TAF8: variants seen among roughly 807,000 people sequenced by gnomAD.
The protein encoded by TAF8 is transcription initiation factor TFIID subunit 8.
TAF8 carries 47 observed loss-of-function variants against 36.5 expected under a neutral mutation model. The observed-to-expected ratio is 1.29, with a 90% CI of 1.02 to 1.64. The LOEUF (loss-of-function observed/expected upper bound fraction) is 1.64, where lower values mean the gene tolerates loss of function less well. Among genes scored for constraint, TAF8 ranks in the 40% most tolerant of loss-of-function variants. The pLI, the probability that TAF8 is intolerant of heterozygous loss-of-function variation, is 0.00. For missense variants in TAF8, 420 were observed against 407.6 expected, an observed-to-expected ratio of 1.03 and a Z score of -0.26; for synonymous variants, 175 against 159.5, an observed-to-expected ratio of 1.10 and a Z score of -0.73.
chr6:42,072,733 T>G (rs1433538199), intron 7 of TAF8, among the ~76,000 whole-genome samples: 5 of 152,120 alleles, frequency 3.3e-5, no homozygotes, highest in East Asian at 1.9e-4. Flanking sequence ...TTGTTTGTTT[T>G]TTTTTTTGAG....
In TAF8 at chr6:42,077,248, G is replaced by A. The variant is rs767232236; in HGVS notation, c.920+9G>A. The A allele has an allele frequency of 1.9e-6, 3 of 1,610,710 alleles. 1 individual carries two copies. The South Asian group carries it at 3.3e-5, about 18-fold the overall frequency. ...AAGATCCGCAGGAAGAAGTGAGTTG[G>A]AGGCTGGGGTCCAGAGAGCCTTCAC... On this transcript the variant is annotated intron_variant, in intron 8 of 8. Coordinates refer to ENST00000372977, the MANE Select transcript of TAF8 (RefSeq NM_138572.3).
chr6:42,077,634 C>T lies in TAF8; in HGVS notation c.*89C>T. 1 of 1,573,130 alleles carries T rather than the reference C, an allele frequency of 6.4e-7. No homozygotes were observed. The highest frequency in any genetic ancestry group is 8.6e-7 in the Non-Finnish European group (1 of 1,159,302). ...CTCAAGGGAAGAAGAGGGTGACCTCCTCATGGCCAAGCCGAGGCTGCAGGG... is the reference window on the plus strand; with the variant it reads ...CTCAAGGGAAGAAGAGGGTGACCTCTTCATGGCCAAGCCGAGGCTGCAGGG... On this transcript the variant is annotated 3_prime_UTR_variant, in exon 9 of 9. Coordinates refer to ENST00000372977, the MANE Select transcript of TAF8 (RefSeq NM_138572.3).
At chr6:42,063,029 C>G (rs182453386) in intron 5 of TAF8, among the ~76,000 whole-genome samples, 36 of 152,300 alleles carry the variant, frequency 2.4e-4, no homozygotes, top group Non-Finnish European at 2.9e-5. Flanking sequence ...CTTCACTGTG[C>G]TTACATCTGC....
chr6:42,061,385 T>C lies in TAF8; in HGVS notation c.489+3872T>C, dbSNP rs78935238. On this transcript the variant is annotated intron_variant, in intron 5 of 8. Transcript: ENST00000372977. The stretch of plus-strand genomic sequence containing the variant: ...ATTCACTCTTCTATTTGAAAGTTTT[T>C]CCTCTATTCTAATGTCACAATCTCC... Among the ~76,000 whole-genome samples, 263 of 152,354 alleles carry C rather than the reference T, an allele frequency of 1.7e-3. 2 individuals carry two copies. Among genetic ancestry groups the C allele is most frequent in the African/African-American group, 5.9e-3 (245 of 41,592 alleles).
chr6:42,087,462 A>G (rs1766047923), downstream of TAF8: 1 of 152,208 alleles, frequency 6.6e-6, no homozygotes, highest in East Asian at 1.9e-4. Flanking sequence ...GTTAAAAACT[A>G]TGCCTTCTTC....
downstream of TAF8, chr6:42,086,981 C>A (rs1271424126): frequency 3.4e-6 from 2 of 596,668 alleles, no homozygotes; most frequent in African/African-American, 1.9e-5. Flanking sequence ...TCAAGAAGTG[C>A]AGGGCGAGTT....
intron 5 of TAF8, among the ~76,000 whole-genome samples, chr6:42,065,753 G>A (rs1332677513): frequency 6.6e-6 from 1 of 152,122 alleles, no homozygotes; most frequent in Non-Finnish European, 1.5e-5. Context: ...AAGGCTCCAA[G>A]ACAATCTCTA....
At chr6:42,062,477 CT>C (rs1582225236) in intron 5 of TAF8, among the ~76,000 whole-genome samples, 1 of 148,748 alleles carries the variant, frequency 6.7e-6, no homozygotes, top group Non-Finnish European at 1.5e-5. Context: ...ACCTTTTTTA[CT>C]TAGCTTAAAT....
intron 6 of TAF8, among the ~76,000 whole-genome samples, chr6:42,066,887 T>C (rs1765385682): frequency 6.6e-6 from 1 of 152,160 alleles, no homozygotes; most frequent in South Asian, 2.1e-4. Flanking sequence ...TTTTTACAAA[T>C]GTGAGTGAGG....
At position 42,077,773 on chromosome 6, in the gene TAF8, T is replaced by A. The variant is rs1352346716; in HGVS notation, c.*228T>A. 7.2e-7 allele frequency: 1 copy of A among 1,384,278 alleles called. No homozygotes were observed. The highest frequency in any genetic ancestry group is 2.8e-5 in the East Asian group (1 of 36,120). The allele number at this position is 1,384,278 out of a possible 1,614,324, so 85.7% of individuals were successfully genotyped here. On this transcript the variant is annotated 3_prime_UTR_variant, in exon 9 of 9. Coordinates refer to ENST00000372977, the MANE Select transcript of TAF8 (RefSeq NM_138572.3). The stretch of plus-strand genomic sequence containing the variant: ...ATAATGAGAATTTTTTTTTTTATTT[T>A]GAGATGGAGTCTTACTCTATCACCC...
intron 7 of TAF8, among the ~76,000 whole-genome samples, chr6:42,068,926 A>T (rs1484110037): frequency 6.6e-6 from 1 of 152,090 alleles, no homozygotes; most frequent in African/African-American, 2.4e-5. Context: ...GGAAGTGGGG[A>T]TGGGAATGGG....
intron 5 of TAF8, among the ~76,000 whole-genome samples, chr6:42,058,621 G>C (rs943544194): frequency 2.0e-5 from 3 of 152,170 alleles, no homozygotes; most frequent in African/African-American, 7.2e-5. Flanking sequence ...ACCTTAGGGT[G>C]GGGGAGAGGG....
intron 8 of TAF8, 71 bp downstream of exon 8, chr6:42,077,310 A>G: frequency 6.4e-7 from 1 of 1,553,500 alleles, no homozygotes; most frequent in Non-Finnish European, 8.7e-7. Context: ...TTCTTGGAAG[A>G]GTCTCCTCAG....
At chr6:42,083,806 G>A (rs1014595497), downstream of TAF8, among the ~76,000 whole-genome samples, 12 of 152,128 alleles carry the variant, frequency 7.9e-5, no homozygotes, top group African/African-American at 2.7e-4. Flanking sequence ...GACAAGCAAA[G>A]GAAGGAAGGA....
chr6:42,063,247 C>CG (rs1765245303), intron 5 of TAF8: 1 of 152,022 alleles, frequency 6.6e-6, no homozygotes, highest in Non-Finnish European at 1.5e-5. Context: ...ACCACAGCCT[C>CG]GACCTTCTAG....
downstream of TAF8, among the ~76,000 whole-genome samples, chr6:42,086,093 G>A (rs1766020885): frequency 1.3e-5 from 2 of 152,180 alleles, no homozygotes; most frequent in East Asian, 1.9e-4. Flanking sequence ...GCTTCCCAGC[G>A]TCCAGCACTG....
At chr6:42,057,193 G>C (rs954275104) in intron 4 of TAF8, among the ~76,000 whole-genome samples, 196 bp from the exon 5 acceptor site, 3 of 152,228 alleles carry the variant, frequency 2.0e-5, no homozygotes, top group African/African-American at 7.2e-5. Flanking sequence ...CAAAGGGAAC[G>C]TCAACCAAGA....
intron 7 of TAF8, among the ~76,000 whole-genome samples, chr6:42,076,816 G>A (rs1459138059): frequency 6.6e-6 from 1 of 152,130 alleles, no homozygotes; most frequent in African/African-American, 2.4e-5. Flanking sequence ...GTCCCTCCCA[G>A]GTGTCTGTTC....
At chr6:42,070,769 C>T (rs1402742881) in intron 7 of TAF8, among the ~76,000 whole-genome samples, 1 of 152,024 alleles carries the variant, frequency 6.6e-6, no homozygotes, top group Non-Finnish European at 1.5e-5. Context: ...TGGGAATGAT[C>T]TAGTCAAAAG....
Sources: allele counts gnomAD v4.1 joint callset (sites outside exome capture counted in the v4.1 genomes callset), GRCh38; gene constraint gnomAD v4.1.1; transcripts MANE v1.5; gene names NCBI Gene and HGNC (gene_info 2026-07-23, HGNC 2026-07-21).